The following SNX29 variants were observed in gnomAD, a reference collection of about 807,000 sequenced individuals.
SNX29 encodes sorting nexin 29.
In SNX29, 78 loss-of-function variants were observed where a neutral mutation model predicts 102.1. That is an observed-to-expected ratio of 0.76 (90% confidence interval 0.64 to 0.92). SNX29 has a LOEUF of 0.92. SNX29 is among the 40% of genes least tolerant of loss of function. The pLI is 0.00. For synonymous variants in SNX29, 580 were observed against 414.5 expected (o/e 1.40, Z -4.85); for missense variants, 1,280 against 1,061.7 (o/e 1.21, Z -2.86).
intron 3 of SNX29, among the ~76,000 whole-genome samples, chr16:12,021,148 C>T (rs576399874): frequency 5.9e-4 from 89 of 151,990 alleles, no homozygotes; most frequent in African/African-American, 2.0e-3. Context: ...AAAGAATTGC[C>T]GGTTGTGGTG....
intron 1 of SNX29, among the ~76,000 whole-genome samples, chr16:11,985,539 T>C (rs761718517): frequency 7.9e-5 from 12 of 152,228 alleles, no homozygotes; most frequent in Non-Finnish European, 1.3e-4. Context: ...TTTCTCTCTG[T>C]TGGCTTCACC....
rs66491414 is a variant in SNX29 at position 12,013,500 on chromosome 16, A to AATATATATATATATAT, written c.122+10484_122+10499dup. Reference sequence around the variant, plus strand: ...GTCTCTACTGGGGGAAAAAAAAAAAAATATATATATATATATATATATATA... The same window carrying AATATATATATATATAT: ...GTCTCTACTGGGGGAAAAAAAAAAAAATATATATATATATATATATATATATATATATATATATATA... On this transcript the variant is annotated intron_variant, in intron 3 of 20. Transcript: ENST00000566228. Among the ~76,000 whole-genome samples the AATATATATATATATAT allele has an allele frequency of 2.4e-3, 76 of 31,500 alleles. 3 individuals are homozygous for AATATATATATATATAT. The highest frequency in any genetic ancestry group is 3.8e-3 in the East Asian group (2 of 528). The allele number at this position is 31,500 out of a possible 152,430, so 20.7% of individuals were successfully genotyped here.
At chr16:12,127,762 A>G (rs1360515336) in intron 12 of SNX29, among the ~76,000 whole-genome samples, 4 of 152,142 alleles carry the variant, frequency 2.6e-5, no homozygotes, top group African/African-American at 4.8e-5. Context: ...AGGCCTGTCT[A>G]TCTACCATGT....
chr16:12,322,584 G>A (rs895653088), intron 15 of SNX29, among the ~76,000 whole-genome samples: 3 of 152,154 alleles, frequency 2.0e-5, no homozygotes, highest in Non-Finnish European at 2.9e-5. Context: ...AGAAACTAAG[G>A]TGGAGTTCTA....
chr16:12,290,468 C>T lies in SNX29; in HGVS notation c.1782+12432C>T, dbSNP rs527998350. Among the ~76,000 whole-genome samples, 68 of 152,322 alleles carry T rather than the reference C, an allele frequency of 4.5e-4. 2 individuals carry two copies. In the South Asian group the frequency reaches 0.012, roughly 27 times the overall value. Reference sequence around the variant, plus strand: ...TTCAGTTTGCCCCAGGTGTCCTGCACGTCCTTTGTGTCACCTCTCCTAATC... The same window carrying T: ...TTCAGTTTGCCCCAGGTGTCCTGCATGTCCTTTGTGTCACCTCTCCTAATC... On this transcript the variant is annotated intron_variant, in intron 15 of 20. Transcript: ENST00000566228.
At chr16:12,146,775 G>A (rs1216589959) in intron 13 of SNX29, among the ~76,000 whole-genome samples, 1 of 152,324 alleles carries the variant, frequency 6.6e-6, no homozygotes, top group East Asian at 1.9e-4. Context: ...CCAAAGGTGG[G>A]AGAATGGAAA....
intron 15 of SNX29, among the ~76,000 whole-genome samples, chr16:12,300,445 CTT>C (rs1158688069): frequency 6.6e-6 from 1 of 152,088 alleles, no homozygotes; most frequent in South Asian, 2.1e-4. Flanking sequence ...ATTTTACTGT[CTT>C]TTTATCTTCC....
intron 14 of SNX29, among the ~76,000 whole-genome samples, chr16:12,254,120 G>C (rs1216008629): frequency 2.0e-5 from 3 of 152,160 alleles, no homozygotes; most frequent in East Asian, 3.8e-4. Context: ...GCAGGAGCTT[G>C]GGTACAGGCA....
chr16:12,221,119 C>T (rs116724560), intron 14 of SNX29, among the ~76,000 whole-genome samples: 4,853 of 143,932 alleles, frequency 0.034, 281 homozygotes, highest in African/African-American at 0.12. Flanking sequence ...TTTTTTTCTT[C>T]TTCTTCTTCA....
At chr16:12,018,859 A>G (rs1295823082) in intron 3 of SNX29, among the ~76,000 whole-genome samples, 3 of 150,810 alleles carry the variant, frequency 2.0e-5, no homozygotes, top group Admixed American at 6.6e-5. Flanking sequence ...AAGAGCTGGG[A>G]TTACAGGTGT....
chr16:12,048,621 G>T lies in SNX29; in HGVS notation c.748+1G>T. 6.2e-7 allele frequency: 1 copy of T among 1,613,930 alleles called. No homozygotes were observed. The highest frequency in any genetic ancestry group is 8.5e-7 in the Non-Finnish European group (1 of 1,179,866). On this transcript the variant is annotated splice_donor_variant, in intron 7 of 20. Transcript: ENST00000566228. LOFTEE classifies it high-confidence loss of function. ...GTCGTGTCCAGGAATGTCAGTGCTG[G>T]TGAGTGGGAACGGGTGCTCGAGGCG...
At chr16:12,191,094 C>T (rs769394081) in intron 13 of SNX29, among the ~76,000 whole-genome samples, 1 of 152,120 alleles carries the variant, frequency 6.6e-6, no homozygotes, top group African/African-American at 2.4e-5. Flanking sequence ...AAAACCGTTC[C>T]ATCTCAGATC....
chr16:12,142,276 C>T (rs2054893675), intron 13 of SNX29, among the ~76,000 whole-genome samples: 1 of 152,226 alleles, frequency 6.6e-6, no homozygotes, highest in Admixed American at 6.5e-5. Flanking sequence ...AAGCTTGCTT[C>T]CCCAAGGTCG....
At chr16:12,354,658 G>C (rs2082080654) in intron 15 of SNX29, among the ~76,000 whole-genome samples, 1 of 152,186 alleles carries the variant, frequency 6.6e-6, no homozygotes, top group Non-Finnish European at 1.5e-5. Context: ...TTGCTGCGTG[G>C]TGAATGGATT....
intron 16 of SNX29, among the ~76,000 whole-genome samples, chr16:12,385,863 C>G (rs1043586964): frequency 6.6e-6 from 1 of 152,196 alleles, no homozygotes; most frequent in African/African-American, 2.4e-5. Flanking sequence ...GGACAACATT[C>G]TCTGGGACCA....
At chr16:12,559,647 G>A (rs1323690914) in intron 20 of SNX29, among the ~76,000 whole-genome samples, 1 of 152,016 alleles carries the variant, frequency 6.6e-6, no homozygotes, top group Non-Finnish European at 1.5e-5. Flanking sequence ...CCAAATGTAA[G>A]CCACATTCTG....
chr16:12,221,118 TC>T (rs1567327132), intron 14 of SNX29, among the ~76,000 whole-genome samples: 1,539 of 151,926 alleles, frequency 0.01, 24 homozygotes, highest in African/African-American at 0.036. Flanking sequence ...TTTTTTTTCT[TC>T]TTCTTCTTCA....
In SNX29 at chr16:12,493,792, A is replaced by G. The variant is rs376459901; in HGVS notation, c.2178+15933A>G. On this transcript the variant is annotated intron_variant, in intron 19 of 20. Transcript: ENST00000566228. ...TTTTTAGTAGAGACGGGGTTTCACC[A>G]TGTTGGCCAGACTGGTTGCAAACTC... Among the ~76,000 whole-genome samples the G allele has an allele frequency of 7.9e-5, 12 of 152,146 alleles. No individual in the cohort carries two copies. In the East Asian group the frequency reaches 9.6e-4, roughly 12 times the overall value.
intron 14 of SNX29, among the ~76,000 whole-genome samples, chr16:12,218,351 C>A (rs1478743928): frequency 1.3e-5 from 2 of 152,200 alleles, no homozygotes; most frequent in Non-Finnish European, 2.9e-5. Context: ...TCTATTCTTC[C>A]TATTTCTTTT....
Sources: allele counts gnomAD v4.1 joint callset (sites outside exome capture counted in the v4.1 genomes callset), GRCh38; gene constraint gnomAD v4.1.1; transcripts MANE v1.5; gene names NCBI Gene and HGNC (gene_info 2026-07-23, HGNC 2026-07-21).